The following ZNF274 variants were observed in gnomAD, a reference collection of about 807,000 sequenced individuals.
ZNF274 encodes neurotrophin receptor-interacting factor homolog.
ZNF274 carries 23 observed loss-of-function variants against 42.5 expected under a neutral mutation model. The observed-to-expected ratio is 0.54, with a 90% CI of 0.39 to 0.77. The LOEUF (loss-of-function observed/expected upper bound fraction) is 0.77. Among genes scored for constraint, ZNF274 ranks in the 30% least tolerant of loss-of-function variants. The pLI, the probability that ZNF274 is intolerant of heterozygous loss-of-function variation, is 0.00. For missense variants in ZNF274, 679 were observed against 806.5 expected, an observed-to-expected ratio of 0.84 and a Z score of 1.91; for synonymous variants, 292 against 305.4, an observed-to-expected ratio of 0.96 and a Z score of 0.46.
Position 58,204,569 on chromosome 19 carries a change from G to A in ZNF274, c.257-2151G>A, listed in dbSNP as rs1188852121. The stretch of plus-strand genomic sequence containing the variant: ...AGGCGGCTTCCGGGCTCTGAAAGAT[G>A]CTTCCGCCCGAGCTTTTTTATTTTT... On this transcript the variant is annotated intron_variant, in intron 4 of 7. Coordinates refer to ENST00000617501, the MANE Select transcript of ZNF274 (RefSeq NM_133502.3). Among the ~76,000 whole-genome samples, 3 of 152,108 alleles carry A rather than the reference G, an allele frequency of 2.0e-5. No homozygotes were observed. The South Asian group carries it at 6.2e-4, about 32-fold the overall frequency.
intron 4 of ZNF274, among the ~76,000 whole-genome samples, chr19:58,190,143 A>C (rs868032024): frequency 4.1e-5 from 6 of 145,848 alleles, no homozygotes; most frequent in African/African-American, 1.3e-4. Context: ...AAAAAAATTT[A>C]TCTCTCTCTT....
chr19:58,186,071 G>C, intron 3 of ZNF274: 1 of 260,402 alleles, frequency 3.8e-6, no homozygotes, highest in Non-Finnish European at 7.2e-6. Flanking sequence ...CTTGCAACAA[G>C]AGTTCCGGCC....
chr19:58,205,658 A>G (rs260416), intron 4 of ZNF274, among the ~76,000 whole-genome samples: 33,053 of 152,068 alleles, frequency 0.22, 4,561 homozygotes, highest in East Asian at 0.38. Flanking sequence ...TAGCATTTTG[A>G]AGGGGAGTTT....
chr19:58,201,688 T>G (rs933375657), intron 4 of ZNF274, among the ~76,000 whole-genome samples: 3 of 151,994 alleles, frequency 2.0e-5, no homozygotes, highest in African/African-American at 7.3e-5. Flanking sequence ...AGCTAACTTT[T>G]GTGTTTTTAG....
At chr19:58,210,106 A>G (rs2076023745) in intron 6 of ZNF274, 33 bp downstream of exon 6, 2 of 1,590,028 alleles carry the variant, frequency 1.3e-6, no homozygotes, top group African/African-American at 2.7e-5. Context: ...TTTTGGTCAC[A>G]GCATCTCCTG....
intron 4 of ZNF274, among the ~76,000 whole-genome samples, chr19:58,200,277 C>T (rs1024836337): frequency 2.0e-5 from 3 of 152,158 alleles, no homozygotes; most frequent in Admixed American, 1.3e-4. Flanking sequence ...CACTGGGCAC[C>T]TTTCAACTGC....
At chr19:58,193,603 C>T (rs1194314600) in intron 4 of ZNF274, among the ~76,000 whole-genome samples, 4 of 151,748 alleles carry the variant, frequency 2.6e-5, no homozygotes, top group Admixed American at 2.0e-4. Flanking sequence ...CAGGACTGTG[C>T]CTGTATGTGT....
chr19:58,203,597 G>GA (rs1169436214), intron 4 of ZNF274, among the ~76,000 whole-genome samples: 2 of 143,368 alleles, frequency 1.4e-5, no homozygotes, highest in African/African-American at 2.6e-5. Context: ...AAAAAAAAAA[G>GA]AAAAAAACGC....
intron 4 of ZNF274, among the ~76,000 whole-genome samples, chr19:58,199,291 G>A (rs1390620723): frequency 2.0e-5 from 3 of 152,026 alleles, no homozygotes; most frequent in Non-Finnish European, 4.4e-5. Flanking sequence ...GATTGAACCC[G>A]GGAGGCGGAG....
intron 4 of ZNF274, among the ~76,000 whole-genome samples, chr19:58,203,482 G>A (rs1202457137): frequency 6.6e-6 from 1 of 151,716 alleles, no homozygotes; most frequent in East Asian, 1.9e-4. Flanking sequence ...TGCGGCTGAG[G>A]CAGGAGAATT....
Position 58,211,834 on chromosome 19 carries a change from C to T in ZNF274, c.979+148C>T. The T allele has an allele frequency of 8.0e-7, 1 of 1,254,284 alleles. No homozygotes were observed. Among genetic ancestry groups the T allele is most frequent in the Non-Finnish European group, 1.1e-6 (1 of 930,672 alleles). The allele number at this position is 1,254,284 out of a possible 1,614,324, so 77.7% of individuals were successfully genotyped here. ...CAGGGCCTGTAAGTGGAACTGTAGACCTAGAGGGGTGAGGTCACTGGGTGG... is the reference window on the plus strand; with the variant it reads ...CAGGGCCTGTAAGTGGAACTGTAGATCTAGAGGGGTGAGGTCACTGGGTGG... On this transcript the variant is annotated intron_variant, in intron 7 of 7. Coordinates refer to ENST00000617501, the MANE Select transcript of ZNF274 (RefSeq NM_133502.3). The surrounding 1 kb of genome is among the most constrained non-coding windows in gnomAD (Gnocchi z 4.8).
At chr19:58,200,570 C>G (rs894626534) in intron 4 of ZNF274, among the ~76,000 whole-genome samples, 1 of 151,772 alleles carries the variant, frequency 6.6e-6, no homozygotes, top group Admixed American at 6.6e-5. Flanking sequence ...ATGGGAAAGG[C>G]GAACCAGGTG....
chr19:58,209,676 C>A (rs1600157855), intron 5 of ZNF274: 1 of 260,426 alleles, frequency 3.8e-6, no homozygotes, highest in Non-Finnish European at 7.4e-6. Context: ...CCCTCAGCAG[C>A]CCCCGGAAAG....
intron 4 of ZNF274, among the ~76,000 whole-genome samples, chr19:58,191,255 A>C (rs886916933): frequency 1.4e-4 from 21 of 152,174 alleles, no homozygotes; most frequent in African/African-American, 3.9e-4. Flanking sequence ...CTCCTGCCTC[A>C]GCCTCCAGAG....
At chr19:58,183,561 C>T (rs993797523) in intron 1 of ZNF274, 119 bp downstream of exon 1, 4 of 178,298 alleles carry the variant, frequency 2.2e-5, no homozygotes, top group Non-Finnish European at 4.9e-5. Context: ...CTGAGCCGGC[C>T]GTGCCTGCAG....
chr19:58,189,781 G>T (rs1178664257), intron 4 of ZNF274, among the ~76,000 whole-genome samples: 1 of 152,056 alleles, frequency 6.6e-6, no homozygotes, highest in Non-Finnish European at 1.5e-5. Context: ...CTGCCTCATG[G>T]TCTTGCATAG....
intron 4 of ZNF274, among the ~76,000 whole-genome samples, chr19:58,204,475 G>T (rs2075957061): frequency 6.6e-6 from 1 of 152,100 alleles, no homozygotes; most frequent in Non-Finnish European, 1.5e-5. Flanking sequence ...TTGTGGCCTC[G>T]CATTCCTGAG....
intron 4 of ZNF274, among the ~76,000 whole-genome samples, chr19:58,197,479 T>C (rs976967201): frequency 6.6e-6 from 1 of 152,252 alleles, no homozygotes; most frequent in African/African-American, 2.4e-5. Flanking sequence ...TCTAATTTGC[T>C]TATTATCTGA....
chr19:58,210,968 G>A (rs2076033540), intron 6 of ZNF274: 1 of 152,314 alleles, frequency 6.6e-6, no homozygotes, highest in African/African-American at 2.4e-5. Context: ...CACCCGCCTT[G>A]GCCTCCCAAT....
Sources: gnomAD v4.1 joint callset for allele counts (sites outside exome capture counted in the v4.1 genomes callset) on GRCh38, gnomAD v4.1.1 for gene constraint, Gnocchi (gnomAD v3.1) non-coding constraint, MANE v1.5 for transcripts, NCBI Gene and HGNC (gene_info 2026-07-23, HGNC 2026-07-21) for gene names.